Variants in MAIP1 observed in about 807,000 individuals in gnomAD.
MAIP1 encodes matrix AAA peptidase interacting protein 1, also known as m-AAA protease-interacting protein 1, mitochondrial.
MAIP1 carries 28 observed loss-of-function variants against 31.2 expected under a neutral mutation model. The observed-to-expected ratio is 0.90, with a 90% CI of 0.67 to 1.23. The LOEUF is 1.23. MAIP1 is among the 50% of genes most tolerant of loss of function. The pLI, the probability that MAIP1 is intolerant of heterozygous loss-of-function variation, is 0.00. For synonymous variants in MAIP1, 142 were observed against 142.3 expected, an observed-to-expected ratio of 1.00 and a Z score of 0.02; for missense variants, 339 against 356.0, an observed-to-expected ratio of 0.95 and a Z score of 0.38.
rs757524262 is a variant in MAIP1, at chr2:199,956,050, C to A, written c.252C>A (p.Ala84=). Residue 84 remains alanine, a synonymous_variant, in exon 1 of 5, where the codon GCC becomes GCA. Transcript: ENST00000392290. ...TCAGCAGCCCGGGACTCCCCGCAGC[C>A]TTCGCTTCTTTCCCTGCCTGCCCTC... The part of the protein sequence containing the change: ...PVLSSPGLPA[A]FASFPACPQR... 13 of 1,611,598 alleles carry A rather than the reference C, an allele frequency of 8.1e-6. No individual in the cohort carries two copies. The highest frequency in any genetic ancestry group is 1.1e-5 in the Non-Finnish European group (13 of 1,178,782).
At chr2:199,955,466 G>T (rs768881764), upstream of MAIP1, 6 of 1,613,694 alleles carry the variant, frequency 3.7e-6, 1 homozygote, top group South Asian at 6.6e-5. Context: ...GTGCTGCCCG[G>T]CCATGGTTGC....
Position 199,955,663 on chromosome 2 carries a change from G to A in MAIP1, c.-136G>A. On this transcript the variant is annotated 5_prime_UTR_variant, in exon 1 of 5. Transcript: ENST00000392290. Reference sequence around the variant, plus strand: ...GGGCTGCGTGCTGGAGAGCGGGGACGGGGCCGACTCACCAGAGGCTGCAGC... The same window carrying A: ...GGGCTGCGTGCTGGAGAGCGGGGACAGGGCCGACTCACCAGAGGCTGCAGC... The A allele has an allele frequency of 9.0e-7, 1 of 1,116,190 alleles. No homozygotes were observed. The highest frequency in any genetic ancestry group is 1.2e-6 in the Non-Finnish European group (1 of 802,264). The allele number at this position is 1,116,190 out of a possible 1,614,324, so 69.1% of individuals were successfully genotyped here. A position where few individuals can be genotyped will look rare whatever the true frequency, so the allele number is the denominator to read the frequency against.
Position 199,963,988 on chromosome 2 carries a change from G to A in MAIP1, c.*177G>A, listed in dbSNP as rs1255618350. The A allele has an allele frequency of 2.2e-5, 9 of 405,890 alleles. No individual in the cohort carries two copies. Among genetic ancestry groups the A allele is most frequent in the Non-Finnish European group, 3.9e-5 (9 of 229,036 alleles). 25.1% of individuals were successfully genotyped at this position (405,890 alleles called of 1,614,324 possible). On this transcript the variant is annotated 3_prime_UTR_variant, in exon 5 of 5. Coordinates refer to ENST00000392290, the MANE Select transcript of MAIP1 (RefSeq NM_001394955.1). The stretch of plus-strand genomic sequence containing the variant: ...ACAGTAAAAGCATTTTCCACAGATT[G>A]TTATCACCTTCTTTAAAAGAAGTCA...
chr2:199,956,781 G>A (rs1574818681), intron 1 of MAIP1, among the ~76,000 whole-genome samples: 1 of 152,162 alleles, frequency 6.6e-6, no homozygotes, highest in Non-Finnish European at 1.5e-5. Context: ...AGACAGAGCC[G>A]ACCAATACAC....
At position 199,955,950 on chromosome 2, in the gene MAIP1, C is replaced by T. The variant is rs758551827; in HGVS notation, c.152C>T (p.Ala51Val). 1.2e-6 allele frequency: 2 copies of T among 1,605,354 alleles called. No individual in the cohort carries two copies. Among genetic ancestry groups the T allele is most frequent in the Non-Finnish European group, 1.7e-6 (2 of 1,174,686 alleles). ...YFCRCRLGLG[A>V]ALFPRSARAL... ...TGCCGCTGTCGCCTCGGCTTGGGAGCGGCGTTATTTCCACGAAGCGCTAGG... is the reference window on the plus strand; with the variant it reads ...TGCCGCTGTCGCCTCGGCTTGGGAGTGGCGTTATTTCCACGAAGCGCTAGG... Residue 51 changes from alanine (A) to valine (V), a missense_variant, in exon 1 of 5, where the codon GCG becomes GTG. Ala to Val is a moderately conservative substitution (Grantham distance 64). Coordinates refer to ENST00000392290, the MANE Select transcript of MAIP1 (RefSeq NM_001394955.1).
intron 4 of MAIP1, among the ~76,000 whole-genome samples, chr2:199,962,341 C>T (rs1028428639): frequency 6.6e-6 from 1 of 152,156 alleles, no homozygotes; most frequent in African/African-American, 2.4e-5. Flanking sequence ...TGGGTGGCAC[C>T]TTGGTACTCC....
In MAIP1 at chr2:199,955,615, G is replaced by C. The variant is rs1158471290; in HGVS notation, c.-184G>C. On this transcript the variant is annotated 5_prime_UTR_variant, in exon 1 of 5. Coordinates refer to ENST00000392290, the MANE Select transcript of MAIP1 (RefSeq NM_001394955.1). ...GAGTGGCTGGGTCCGAGCGCGGGGC[G>C]GGTTGCCGAAGGGCCTCGGCCTGGG... 1.6e-6 allele frequency: 2 copies of C among 1,242,068 alleles called. No individual in the cohort carries two copies. Among genetic ancestry groups the C allele is most frequent in the Non-Finnish European group, 2.2e-6 (2 of 910,884 alleles). The allele number at this position is 1,242,068 out of a possible 1,614,324, so 76.9% of individuals were successfully genotyped here.
Position 199,955,736 on chromosome 2 carries a change from C to T in MAIP1, c.-63C>T, listed in dbSNP as rs1221179664. The stretch of plus-strand genomic sequence containing the variant: ...GTCTCTTTCTCCGACACCGCTGAGG[C>T]GGTTTCCCACCGACTTCCTTTCCAT... On this transcript the variant is annotated 5_prime_UTR_variant, in exon 1 of 5. Transcript: ENST00000392290. 6.9e-7 allele frequency: 1 copy of T among 1,445,578 alleles called. No individual in the cohort carries two copies. Among genetic ancestry groups the T allele is most frequent in the African/African-American group, 1.4e-5 (1 of 70,498 alleles). 89.5% of individuals were successfully genotyped at this position (1,445,578 alleles called of 1,614,324 possible).
At chr2:199,963,708 A>G in intron 4 of MAIP1, 25 bp from the exon 5 acceptor site, 2 of 1,436,282 alleles carry the variant, frequency 1.4e-6, no homozygotes, top group Non-Finnish European at 2.0e-6. Context: ...TGTAAGATTT[A>G]CATTATTTGC....
intron 4 of MAIP1, among the ~76,000 whole-genome samples, chr2:199,962,472 C>G (rs1320424762): frequency 6.6e-6 from 1 of 152,170 alleles, no homozygotes. Context: ...AAAATGGAAG[C>G]TGCTAAACCA....
intron 4 of MAIP1, 33 bp downstream of exon 4, chr2:199,961,961 T>C (rs1215645317): frequency 4.4e-6 from 7 of 1,579,930 alleles, no homozygotes. Flanking sequence ...GTTTCCTTTC[T>C]TCAGAAAATG....
At chr2:199,963,678 C>G (rs2077648083) in intron 4 of MAIP1, 55 bp from the exon 5 acceptor site, 2 of 1,054,790 alleles carry the variant, frequency 1.9e-6, no homozygotes, top group South Asian at 2.8e-5. Context: ...ACATAGTTAT[C>G]TAACACATAC....
intron 4 of MAIP1, among the ~76,000 whole-genome samples, chr2:199,962,921 AT>A (rs1476024739): frequency 6.6e-6 from 1 of 152,198 alleles, no homozygotes; most frequent in East Asian, 1.9e-4. Flanking sequence ...TATTAAAAAA[AT>A]ATGTTGCCAG....
chr2:199,958,688 T>C (rs2077620933), intron 1 of MAIP1, among the ~76,000 whole-genome samples: 1 of 152,234 alleles, frequency 6.6e-6, no homozygotes, highest in African/African-American at 2.4e-5. Context: ...CACAGTTTGC[T>C]TTCTCATTGC....
At chr2:199,958,392 A>C (rs1174410058) in intron 1 of MAIP1, among the ~76,000 whole-genome samples, 1 of 152,114 alleles carries the variant, frequency 6.6e-6, no homozygotes, top group African/African-American at 2.4e-5. Context: ...CTTCAGCATA[A>C]ATTTTCGGGG....
chr2:199,960,834 A>G (rs563369315), intron 3 of MAIP1, among the ~76,000 whole-genome samples: 1 of 152,328 alleles, frequency 6.6e-6, no homozygotes, highest in Admixed American at 6.5e-5. Flanking sequence ...GCCTCTGCTT[A>G]TACACTTCCC....
chr2:199,955,830 T>G lies in MAIP1; in HGVS notation c.32T>G (p.Phe11Cys), dbSNP rs1429406346. The G allele has an allele frequency of 2.6e-6, 4 of 1,520,608 alleles. No homozygotes were observed. The South Asian group carries it at 5.3e-5, about 20-fold the overall frequency. 94.2% of individuals were successfully genotyped at this position (1,520,608 alleles called of 1,614,324 possible). The change falls in exon 1 of 5, where the codon TTC (phenylalanine) becomes TGC (cysteine). Residue 11 changes from phenylalanine to cysteine, a missense_variant. Phe to Cys is a radical substitution (Grantham distance 205, BLOSUM62 -2). Coordinates refer to ENST00000392290, the MANE Select transcript of MAIP1 (RefSeq NM_001394955.1). The part of the protein sequence containing the change: MALAARLLPQ[F>C]LHSRSLPCGA... The stretch of plus-strand genomic sequence containing the variant: ...CTGGCCGCTCGTTTGCTACCCCAGT[T>G]CCTGCACTCTCGGTCGCTGCCCTGC...
chr2:199,955,521 C>A (rs2105720909), upstream of MAIP1: 1 of 1,589,338 alleles, frequency 6.3e-7, no homozygotes, highest in Non-Finnish European at 8.6e-7. Flanking sequence ...GGCTCTAAAG[C>A]GTTCCTCAGC....
chr2:199,955,632 C>G lies in MAIP1; in HGVS notation c.-167C>G. On this transcript the variant is annotated 5_prime_UTR_variant, in exon 1 of 5. Transcript: ENST00000392290. Reference sequence around the variant, plus strand: ...CGCGGGGCGGGTTGCCGAAGGGCCTCGGCCTGGGCTGCGTGCTGGAGAGCG... The same window carrying G: ...CGCGGGGCGGGTTGCCGAAGGGCCTGGGCCTGGGCTGCGTGCTGGAGAGCG... 8.6e-7 allele frequency: 1 copy of G among 1,160,842 alleles called. No homozygotes were observed. Among genetic ancestry groups the G allele is most frequent in the Non-Finnish European group, 1.2e-6 (1 of 838,630 alleles). 71.9% of individuals were successfully genotyped at this position (1,160,842 alleles called of 1,614,324 possible).
Sources: gnomAD v4.1 joint callset for allele counts (sites outside exome capture counted in the v4.1 genomes callset) on GRCh38, gnomAD v4.1.1 for gene constraint, MANE v1.5 for transcripts, NCBI Gene and HGNC (gene_info 2026-07-23, HGNC 2026-07-21) for gene names.